Variants in GNAQ observed in about 807,000 individuals in gnomAD.
GNAQ encodes G protein subunit alpha q, also known as guanine nucleotide-binding protein G(q) subunit alpha.
Under a neutral mutation model 43.9 loss-of-function variants are expected in GNAQ, and 8 were observed. The ratio of observed to expected loss-of-function variants is 0.18; its 90% confidence interval spans 0.11 to 0.33. The LOEUF (loss-of-function observed/expected upper bound fraction) is 0.33, where lower values mean the gene tolerates loss of function less well. GNAQ is among the 10% of genes least tolerant of loss of function. The probability of loss-of-function intolerance (pLI) is 1.00; values close to 1 mark genes in which losing one functional copy is unlikely to be tolerated. For missense variants in GNAQ, 158 were observed against 450.8 expected, an observed-to-expected ratio of 0.35 and a Z score of 5.88; for synonymous variants, 155 against 170.7, an observed-to-expected ratio of 0.91 and a Z score of 0.71.
At chr9:77,835,170 G>A (rs1827364176) in intron 2 of GNAQ, among the ~76,000 whole-genome samples, 1 of 151,988 alleles carries the variant, frequency 6.6e-6, no homozygotes, top group Non-Finnish European at 1.5e-5. Flanking sequence ...ACACAGAACA[G>A]CATGCAATTT....
chr9:78,007,550 G>A (rs1184598694), intron 1 of GNAQ, among the ~76,000 whole-genome samples: 1 of 152,150 alleles, frequency 6.6e-6, no homozygotes, highest in East Asian at 1.9e-4. Flanking sequence ...CATAGCCATG[G>A]CCATGCATTA....
intron 2 of GNAQ, among the ~76,000 whole-genome samples, chr9:77,869,244 G>C (rs939558290): frequency 6.6e-6 from 1 of 152,002 alleles, no homozygotes; most frequent in Non-Finnish European, 1.5e-5. Context: ...TAATTAGTAG[G>C]ACAAAACTGA....
At chr9:77,995,295 T>A (rs1041257372) in intron 1 of GNAQ, among the ~76,000 whole-genome samples, 3 of 152,138 alleles carry the variant, frequency 2.0e-5, no homozygotes, top group African/African-American at 7.2e-5. Flanking sequence ...GACCGTAAGG[T>A]CCACACTCTT....
chr9:77,950,163 A>G (rs1468836838), intron 1 of GNAQ, among the ~76,000 whole-genome samples: 1 of 152,244 alleles, frequency 6.6e-6, no homozygotes, highest in Non-Finnish European at 1.5e-5. Flanking sequence ...GGAGGCAATT[A>G]GAAATGATTC....
At chr9:77,879,329 T>C (rs1257089703) in intron 2 of GNAQ, among the ~76,000 whole-genome samples, 1 of 152,108 alleles carries the variant, frequency 6.6e-6, no homozygotes, top group African/African-American at 2.4e-5. Flanking sequence ...AGTGGTACCA[T>C]CTAAGCTCAC....
At chr9:77,746,594 G>A (rs925167667) in intron 5 of GNAQ, among the ~76,000 whole-genome samples, 4 of 152,156 alleles carry the variant, frequency 2.6e-5, no homozygotes, top group South Asian at 2.1e-4. Context: ...CAATTAACTC[G>A]TGGGAAAAAA....
chr9:77,906,384 A>G (rs1828708999), intron 2 of GNAQ, among the ~76,000 whole-genome samples: 1 of 152,270 alleles, frequency 6.6e-6, no homozygotes, highest in African/African-American at 2.4e-5. Flanking sequence ...AGGCAAGTTC[A>G]GATGCCACAC....
chr9:77,859,780 C>A (rs1414641556), intron 2 of GNAQ, among the ~76,000 whole-genome samples: 1 of 152,154 alleles, frequency 6.6e-6, no homozygotes, highest in Non-Finnish European at 1.5e-5. Flanking sequence ...ATCAGCCATA[C>A]AGAATGCAGT....
intron 2 of GNAQ, among the ~76,000 whole-genome samples, chr9:77,905,407 G>C (rs1044490805): frequency 6.6e-6 from 1 of 152,146 alleles, no homozygotes; most frequent in Non-Finnish European, 1.5e-5. Flanking sequence ...CTGGGCTCAG[G>C]TGTCTGCATG....
rs924278165 is a variant in GNAQ at position 77,949,635 on chromosome 9, G to C, written c.137-27290C>G. Among the ~76,000 whole-genome samples the C allele has an allele frequency of 2.6e-5, 4 of 152,270 alleles. No homozygotes were observed. In the East Asian group the frequency reaches 5.8e-4, roughly 22 times the overall value. On this transcript the variant is annotated intron_variant, in intron 1 of 6. Coordinates refer to ENST00000286548, the MANE Select transcript of GNAQ (RefSeq NM_002072.5). Reference sequence around the variant, plus strand: ...CTGACAGCTCTGGAAAATTGGCATAGGTGAGCTAGAGGAAGGGAAAGACCT... The same window carrying C: ...CTGACAGCTCTGGAAAATTGGCATACGTGAGCTAGAGGAAGGGAAAGACCT...
At chr9:77,821,581 T>C (rs908564328) in intron 2 of GNAQ, among the ~76,000 whole-genome samples, 1 of 152,154 alleles carries the variant, frequency 6.6e-6, no homozygotes, top group Non-Finnish European at 1.5e-5. Flanking sequence ...TTCCAGAGTA[T>C]GTTGATTGAT....
chr9:77,921,211 C>T (rs185345460), intron 2 of GNAQ, among the ~76,000 whole-genome samples: 74 of 152,300 alleles, frequency 4.9e-4, no homozygotes, highest in South Asian at 1.2e-3. Context: ...TATTGATTAA[C>T]GGGAAGGCAA....
rs1824053756 is a variant in GNAQ, at chr9:78,031,170, G to A, written c.66C>T (p.Asn22=). 3 of 1,557,590 alleles carry A rather than the reference G, an allele frequency of 1.9e-6. No individual in the cohort carries two copies. The highest frequency in any genetic ancestry group is 2.6e-6 in the Non-Finnish European group (3 of 1,152,538). Residue 22 remains asparagine (N), a synonymous_variant, in exon 1 of 7, where the codon AAC becomes AAT. Coordinates refer to ENST00000286548, the MANE Select transcript of GNAQ (RefSeq NM_002072.5). ...TGCGGAGCTGCCGCTCGATCTCGTC[G>A]TTGATCCGCCGGGCTTCCTTGGCCT... ...SEEAKEARRI[N]DEIERQLRRD... is the part of the protein sequence containing the mutation.
chr9:77,732,758 C>T (rs986604802), intron 5 of GNAQ, among the ~76,000 whole-genome samples: 7 of 152,228 alleles, frequency 4.6e-5, no homozygotes, highest in African/African-American at 2.4e-5. Context: ...AGGCTTCCAA[C>T]TGCCAGTTGT....
intron 5 of GNAQ, among the ~76,000 whole-genome samples, chr9:77,777,478 T>A (rs1159792404): frequency 6.6e-6 from 1 of 151,906 alleles, no homozygotes; most frequent in Non-Finnish European, 1.5e-5. Flanking sequence ...AAGAACCAAA[T>A]AAAAAATAGA....
intron 1 of GNAQ, among the ~76,000 whole-genome samples, chr9:77,957,096 C>T (rs1408836265): frequency 1.3e-5 from 2 of 152,130 alleles, no homozygotes; most frequent in East Asian, 1.9e-4. Flanking sequence ...TGGTGGCTCA[C>T]GCCTGTCATC....
At chr9:77,883,430 T>C (rs2118075819) in intron 2 of GNAQ, among the ~76,000 whole-genome samples, 1 of 152,098 alleles carries the variant, frequency 6.6e-6, no homozygotes, top group Non-Finnish European at 1.5e-5. Flanking sequence ...GGAACAGTGG[T>C]TACTTCTGAC....
chr9:78,010,340 A>G (rs1823758759), intron 1 of GNAQ, among the ~76,000 whole-genome samples: 1 of 152,194 alleles, frequency 6.6e-6, no homozygotes, highest in African/African-American at 2.4e-5. Context: ...CAGGAATAGA[A>G]TCTGAAGCTA....
intron 2 of GNAQ, among the ~76,000 whole-genome samples, chr9:77,819,170 G>A (rs1827070501): frequency 6.6e-6 from 1 of 152,110 alleles, no homozygotes; most frequent in Non-Finnish European, 1.5e-5. Flanking sequence ...TAGCAAGCTG[G>A]TGGCAAGGCT....
Sources: gnomAD v4.1 joint callset for allele counts (sites outside exome capture counted in the v4.1 genomes callset) on GRCh38, gnomAD v4.1.1 for gene constraint, MANE v1.5 for transcripts, NCBI Gene and HGNC (gene_info 2026-07-23, HGNC 2026-07-21) for gene names.